Variants in ACSF3 observed in about 807,000 individuals in gnomAD.
ACSF3 encodes acyl-CoA synthetase family member 3.
A neutral mutation model predicts 53.2 loss-of-function variants in ACSF3; 78 were observed. The ratio of observed to expected loss-of-function variants is 1.47; its 90% CI spans 1.22 to 1.77. The LOEUF (loss-of-function observed/expected upper bound fraction) is 1.77, where lower values mean the gene tolerates loss of function less well. ACSF3 is among the 40% of genes most tolerant of loss of function. The pLI, the probability that ACSF3 is intolerant of heterozygous loss-of-function variation, is 0.00. For missense variants in ACSF3, 937 were observed against 771.1 expected, an observed-to-expected ratio of 1.22 and a Z score of -2.55; for synonymous variants, 414 against 333.1, an observed-to-expected ratio of 1.24 and a Z score of -2.65.
intron 1 of ACSF3, among the ~76,000 whole-genome samples, chr16:89,098,043 C>T (rs1249754527): frequency 6.6e-6 from 1 of 151,822 alleles, no homozygotes; most frequent in African/African-American, 2.4e-5. Flanking sequence ...CACTGCACTC[C>T]AGCCTGGGTG....
chr16:89,096,452 C>G (rs778801878), intron 1 of ACSF3, among the ~76,000 whole-genome samples: 43 of 152,242 alleles, frequency 2.8e-4, no homozygotes, highest in Non-Finnish European at 4.7e-4. Flanking sequence ...TCTGCGTGTT[C>G]GAGGCAGGGC....
At chr16:89,135,403 G>A (rs113287714) in intron 8 of ACSF3, among the ~76,000 whole-genome samples, 5 of 152,212 alleles carry the variant, frequency 3.3e-5, no homozygotes, top group African/African-American at 7.2e-5. Flanking sequence ...TGGCAGTTCC[G>A]CACGTTTGCA....
At chr16:89,102,856 T>C (rs546030698) in intron 4 of ACSF3, 97 bp downstream of exon 4, 3 of 1,531,494 alleles carry the variant, frequency 2.0e-6, no homozygotes, top group African/African-American at 2.7e-5. Flanking sequence ...CCTAAGCGCC[T>C]TTCGCTGGTT....
In ACSF3 at chr16:89,154,771, G is replaced by A. The variant is rs34208235; in HGVS notation, c.*564G>A. ...GCATTTCCTGGTGCTGCTCTTGGAG[G>A]AGAGCAGCTCCCACTGTGGGGACAC... On this transcript the variant is annotated 3_prime_UTR_variant, in exon 11 of 11. Coordinates refer to ENST00000614302, the MANE Select transcript of ACSF3 (RefSeq NM_001243279.3). The A allele has an allele frequency of 0.23, 106,663 of 453,930 alleles. 13,867 individuals are homozygous for A. Among genetic ancestry groups the A allele is most frequent in the Non-Finnish European group, 0.28 (64,197 of 226,720 alleles). 28.1% of individuals were successfully genotyped at this position (453,930 alleles called of 1,614,324 possible).
chr16:89,134,374 G>A (rs528319393), intron 8 of ACSF3, among the ~76,000 whole-genome samples: 8 of 152,352 alleles, frequency 5.3e-5, no homozygotes, highest in South Asian at 2.1e-4. Flanking sequence ...GTGCTTAGCC[G>A]TGCAGGAACA....
In ACSF3 at chr16:89,097,373, G is replaced by A. The variant is rs552097277; in HGVS notation, c.-193-1218G>A. Among the ~76,000 whole-genome samples, 111 of 152,334 alleles carry A rather than the reference G, an allele frequency of 7.3e-4. 1 individual carries two copies. The highest frequency in any genetic ancestry group is 2.5e-3 in the African/African-American group (105 of 41,574). The stretch of plus-strand genomic sequence containing the variant: ...GCACCTTCTATATTGAGTGAGTGTC[G>A]CCGGCCGTCCTAGTGCTCCGCTCCT... On this transcript the variant is annotated intron_variant, in intron 1 of 10. Coordinates refer to ENST00000614302, the MANE Select transcript of ACSF3 (RefSeq NM_001243279.3).
intron 4 of ACSF3, among the ~76,000 whole-genome samples, chr16:89,110,811 TCTGTTCCC>T (rs1193273960): frequency 6.6e-6 from 1 of 152,196 alleles, no homozygotes; most frequent in African/African-American, 2.4e-5. Flanking sequence ...CACCCGCTTA[TCTGTTCCC>T]CTCCCTCCCT....
chr16:89,138,899 G>T lies in ACSF3; in HGVS notation c.1366+5637G>T, dbSNP rs528299436. On this transcript the variant is annotated intron_variant, in intron 8 of 10. Coordinates refer to ENST00000614302, the MANE Select transcript of ACSF3 (RefSeq NM_001243279.3). ...TTTAAGCCAAAGTTACACACCTGTGGCTTAAACACCCAAGTAGTTGTAGCA... is the reference window on the plus strand; with the variant it reads ...TTTAAGCCAAAGTTACACACCTGTGTCTTAAACACCCAAGTAGTTGTAGCA... Among the ~76,000 whole-genome samples the T allele has an allele frequency of 3.9e-5, 6 of 152,376 alleles. No individual in the cohort carries two copies. The South Asian group carries it at 1.2e-3, about 32-fold the overall frequency.
At chr16:89,110,249 C>A (rs556078361) in intron 4 of ACSF3, among the ~76,000 whole-genome samples, 1 of 152,178 alleles carries the variant, frequency 6.6e-6, no homozygotes, top group Admixed American at 6.5e-5. Context: ...AAGATATTCC[C>A]TTTTGTTTTT....
intron 8 of ACSF3, among the ~76,000 whole-genome samples, chr16:89,135,256 G>A (rs981707405): frequency 4.6e-5 from 7 of 152,248 alleles, no homozygotes; most frequent in Admixed American, 2.6e-4. Flanking sequence ...GGGCTGCAGC[G>A]TGCAGGCGGG....
chr16:89,126,592 T>G (rs938442611), intron 7 of ACSF3, among the ~76,000 whole-genome samples: 8 of 152,240 alleles, frequency 5.3e-5, no homozygotes, highest in Non-Finnish European at 1.2e-4. Flanking sequence ...TGTTGTTAGT[T>G]TTCAACTGTT....
At chr16:89,114,738 G>C (rs1904779338) in intron 6 of ACSF3, 1 of 574,444 alleles carries the variant, frequency 1.7e-6, no homozygotes, top group South Asian at 1.9e-5. Context: ...CTGTATGACT[G>C]GGGAGACAAT....
In ACSF3 at chr16:89,154,295, C is replaced by T. The variant is rs549931337; in HGVS notation, c.*88C>T. The T allele has an allele frequency of 7.7e-5, 98 of 1,267,238 alleles. 2 individuals carry two copies. The East Asian group carries it at 2.3e-3, about 29-fold the overall frequency. The allele number at this position is 1,267,238 out of a possible 1,614,324, so 78.5% of individuals were successfully genotyped here. On this transcript the variant is annotated 3_prime_UTR_variant, in exon 11 of 11. Transcript: ENST00000614302. ...CACGGGGGCCCGTCCAAGACCTGGC[C>T]TCCCTTAAACCTGAACCCCCCAAAT...
intron 4 of ACSF3, among the ~76,000 whole-genome samples, chr16:89,108,573 C>G (rs956834678): frequency 6.6e-6 from 1 of 152,190 alleles, no homozygotes; most frequent in African/African-American, 2.4e-5. Flanking sequence ...CTGGCAACCA[C>G]GAATCTGCTT....
At chr16:89,136,943 TC>T in intron 8 of ACSF3, 1 of 1,108,360 alleles carries the variant, frequency 9.0e-7, no homozygotes, top group Non-Finnish European at 1.2e-6. Context: ...CTCAGGTAAC[TC>T]CTCTGACGGC....
chr16:89,133,356 C>G, intron 8 of ACSF3, 94 bp downstream of exon 8: 1 of 1,558,424 alleles, frequency 6.4e-7, no homozygotes, highest in Non-Finnish European at 8.8e-7. Flanking sequence ...GCTGGGAGTT[C>G]CCAGAATTTT....
chr16:89,154,631 G>C lies in ACSF3; in HGVS notation c.*424G>C, dbSNP rs1232931926. 2.2e-6 allele frequency: 1 copy of C among 454,822 alleles called. No homozygotes were observed. The highest frequency in any genetic ancestry group is 2.3e-5 in the Admixed American group (1 of 42,610). The allele number at this position is 454,822 out of a possible 1,614,324, so 28.2% of individuals were successfully genotyped here. ...TCTGCACGTGCCTGTGCCTCACCCAGAGCCAGTGTCTCCCGGCCCACATAG... is the reference window on the plus strand; with the variant it reads ...TCTGCACGTGCCTGTGCCTCACCCACAGCCAGTGTCTCCCGGCCCACATAG... On this transcript the variant is annotated 3_prime_UTR_variant, in exon 11 of 11. Coordinates refer to ENST00000614302, the MANE Select transcript of ACSF3 (RefSeq NM_001243279.3).
chr16:89,131,815 A>G (rs1419442150), intron 7 of ACSF3, among the ~76,000 whole-genome samples: 1 of 152,282 alleles, frequency 6.6e-6, no homozygotes, highest in Non-Finnish European at 1.5e-5. Context: ...AAATTCAGAT[A>G]AAGTCCGTGG....
chr16:89,105,810 G>A (rs1317421903), intron 4 of ACSF3, among the ~76,000 whole-genome samples: 1 of 152,148 alleles, frequency 6.6e-6, no homozygotes, highest in Non-Finnish European at 1.5e-5. Flanking sequence ...GGAGCTGAGG[G>A]CAGGTTGGTT....
Sources: gnomAD v4.1 joint callset for allele counts (sites outside exome capture counted in the v4.1 genomes callset) on GRCh38, gnomAD v4.1.1 for gene constraint, MANE v1.5 for transcripts, NCBI Gene and HGNC (gene_info 2026-07-23, HGNC 2026-07-21) for gene names.